Variants in UBAP1 observed in about 807,000 individuals in gnomAD.
The protein encoded by UBAP1 is ubiquitin-associated protein 1.
UBAP1 carries 5 observed loss-of-function variants against 39.0 expected under a neutral mutation model. That is an observed-to-expected ratio of 0.13 (90% CI 0.07 to 0.27). UBAP1 has a LOEUF of 0.27. UBAP1 is among the 10% of genes least tolerant of loss of function. UBAP1 has a pLI of 1.00. For missense variants in UBAP1, 490 were observed against 608.1 expected, an observed-to-expected ratio of 0.81 and a Z score of 2.04; for synonymous variants, 211 against 225.1, an observed-to-expected ratio of 0.94 and a Z score of 0.56.
intron 4 of UBAP1, among the ~76,000 whole-genome samples, chr9:34,246,672 A>G (rs770292323): frequency 1.4e-4 from 22 of 152,224 alleles, no homozygotes; most frequent in Non-Finnish European, 2.6e-4. Context: ...GTGCACACAC[A>G]TTAGCAGTGG....
At chr9:34,231,179 G>C (rs989364218) in intron 2 of UBAP1, among the ~76,000 whole-genome samples, 16 of 149,162 alleles carry the variant, frequency 1.1e-4, no homozygotes, top group African/African-American at 3.7e-4. Context: ...GTGTGTGTTG[G>C]GGTCGGGGTT....
chr9:34,228,144 T>TGC (rs1397014549), intron 2 of UBAP1, among the ~76,000 whole-genome samples: 1 of 148,148 alleles, frequency 6.8e-6, no homozygotes, highest in Admixed American at 6.8e-5. Context: ...AGAAGCTGGG[T>TGC]GCGATGGCTC....
chr9:34,225,905 C>A lies in UBAP1; in HGVS notation c.34+4957C>A, dbSNP rs143142584. 7.2e-3 allele frequency among the ~76,000 whole-genome samples: 1,099 copies of A among 151,744 alleles called. 8 individuals carry two copies. The highest frequency in any genetic ancestry group is 0.025 in the African/African-American group (1,021 of 41,344). On this transcript the variant is annotated intron_variant, in intron 2 of 6. Coordinates refer to ENST00000297661, the MANE Select transcript of UBAP1 (RefSeq NM_016525.5). ...AGACTCTAATTTATGAAAAAATAGA[C>A]CCCGTGATAAGATTTGATAAAACTA...
intron 1 of UBAP1, among the ~76,000 whole-genome samples, chr9:34,198,952 C>T (rs1831211373): frequency 6.6e-6 from 1 of 152,196 alleles, no homozygotes; most frequent in African/African-American, 2.4e-5. Context: ...TGCTTAAGCC[C>T]TAGGCTCTGG....
intron 4 of UBAP1, among the ~76,000 whole-genome samples, chr9:34,243,995 G>A (rs906550719): frequency 6.6e-5 from 10 of 151,762 alleles, no homozygotes; most frequent in Admixed American, 2.0e-4. Flanking sequence ...GATTACAGGC[G>A]CCTGCCACCA....
rs1365415336 is a variant in UBAP1, at chr9:34,212,886, GGA to G, written c.-7-8021_-7-8020del. 2.6e-5 allele frequency among the ~76,000 whole-genome samples: 4 copies of G among 152,170 alleles called. No individual in the cohort carries two copies. In the East Asian group the frequency reaches 7.7e-4, roughly 29 times the overall value. Reference sequence around the variant, plus strand: ...GCATCACCCTACCAAAACCAGGAAAGGACATAACCAAAAAAGAAAACTACAGA... The same window carrying G: ...GCATCACCCTACCAAAACCAGGAAAGCATAACCAAAAAAGAAAACTACAGA... On this transcript the variant is annotated intron_variant, in intron 1 of 6. Coordinates refer to ENST00000297661, the MANE Select transcript of UBAP1 (RefSeq NM_016525.5).
At chr9:34,237,278 C>G (rs532373541) in intron 3 of UBAP1, among the ~76,000 whole-genome samples, 25 of 152,296 alleles carry the variant, frequency 1.6e-4, no homozygotes, top group Admixed American at 3.3e-4. Context: ...AAGGTACTTA[C>G]AGTTGAGAGA....
At chr9:34,235,743 G>A (rs963295631) in intron 3 of UBAP1, among the ~76,000 whole-genome samples, 3 of 151,688 alleles carry the variant, frequency 2.0e-5, no homozygotes, top group African/African-American at 4.8e-5. Context: ...TTTACCATTC[G>A]CTTACTCACT....
intron 1 of UBAP1, among the ~76,000 whole-genome samples, chr9:34,194,716 T>C (rs896553205): frequency 2.0e-5 from 3 of 152,246 alleles, no homozygotes; most frequent in African/African-American, 7.2e-5. Context: ...ATGCCATGTG[T>C]TCAGATTGTT....
intron 1 of UBAP1, among the ~76,000 whole-genome samples, chr9:34,204,142 C>T (rs992121745): frequency 9.2e-5 from 14 of 152,080 alleles, no homozygotes; most frequent in Non-Finnish European, 1.6e-4. Context: ...GCCTAGGCAA[C>T]GTGGTGAAAT....
intron 1 of UBAP1, among the ~76,000 whole-genome samples, chr9:34,181,111 G>GTTTTCTTTT (rs1554644642): frequency 1.1e-4 from 4 of 35,304 alleles, no homozygotes; most frequent in South Asian, 1.3e-3. Flanking sequence ...CACCCGGCCT[G>GTTTTCTTTT]TTTTCTTTTT....
At chr9:34,207,528 T>C (rs1831778829) in intron 1 of UBAP1, among the ~76,000 whole-genome samples, 1 of 152,028 alleles carries the variant, frequency 6.6e-6, no homozygotes, top group Non-Finnish European at 1.5e-5. Context: ...TTTCTAATTG[T>C]CTAAGTTTTC....
chr9:34,220,796 A>T, intron 1 of UBAP1, 112 bp from the exon 2 acceptor site: 1 of 836,786 alleles, frequency 1.2e-6, no homozygotes, highest in Non-Finnish European at 1.9e-6. Flanking sequence ...AGACGTGAGG[A>T]TTCTGTCAGC....
At chr9:34,220,975 T>G in intron 2 of UBAP1, 27 bp downstream of exon 2, 1 of 1,602,218 alleles carries the variant, frequency 6.2e-7, no homozygotes, top group Non-Finnish European at 8.5e-7. Flanking sequence ...AATCATGGTT[T>G]AAGTTATGAT....
intron 1 of UBAP1, among the ~76,000 whole-genome samples, chr9:34,192,515 CAA>C (rs4008753): frequency 0.45 from 47,964 of 106,998 alleles, 9,627 homozygotes; most frequent in East Asian, 0.84. Context: ...GACTCCATCT[CAA>C]AAAAAAAAAA....
intron 1 of UBAP1, among the ~76,000 whole-genome samples, chr9:34,195,935 T>TC (rs1487590362): frequency 9.3e-5 from 5 of 53,798 alleles, no homozygotes; most frequent in Admixed American, 2.4e-4. Flanking sequence ...TGGTTTTTTT[T>TC]TTTTTTTTTT....
chr9:34,251,368 T>C (rs1451380629), intron 6 of UBAP1, 24 bp from the exon 7 acceptor site: 4 of 1,613,346 alleles, frequency 2.5e-6, no homozygotes, highest in African/African-American at 1.3e-5. Flanking sequence ...TTTTCTTTAA[T>C]CTGTGTTCTC....
chr9:34,181,909 GATA>G (rs562174894), intron 1 of UBAP1, among the ~76,000 whole-genome samples: 3 of 150,222 alleles, frequency 2.0e-5, no homozygotes, highest in South Asian at 2.1e-4. Flanking sequence ...ATTCTGAAAA[GATA>G]ATAATAGATC....
At chr9:34,203,959 A>G (rs180956870) in intron 1 of UBAP1, among the ~76,000 whole-genome samples, 118 of 152,348 alleles carry the variant, frequency 7.7e-4, no homozygotes, top group Middle Eastern at 3.4e-3. Flanking sequence ...AGAACAAAAA[A>G]TTATATTTGC....
Sources: gnomAD v4.1 joint callset for allele counts (sites outside exome capture counted in the v4.1 genomes callset) on GRCh38, gnomAD v4.1.1 for gene constraint, MANE v1.5 for transcripts, NCBI Gene and HGNC (gene_info 2026-07-23, HGNC 2026-07-21) for gene names.